Variants in PDE10A observed in about 807,000 individuals in gnomAD.
The protein encoded by PDE10A is cAMP and cAMP-inhibited cGMP 3',5'-cyclic phosphodiesterase 10A.
A neutral mutation model predicts 97.7 loss-of-function variants in PDE10A; 39 were observed. The observed-to-expected ratio is 0.40, with a 90% CI of 0.31 to 0.52. The LOEUF is 0.52. Among genes scored for constraint, PDE10A ranks in the 20% least tolerant of loss-of-function variants. The pLI is 0.56. For synonymous variants in PDE10A, 371 were observed against 376.8 expected, an observed-to-expected ratio of 0.98 and a Z score of 0.18; for missense variants, 731 against 1,047.8, an observed-to-expected ratio of 0.70 and a Z score of 4.17.
chr6:165,527,477 T>G (rs1782515639), intron 2 of PDE10A, among the ~76,000 whole-genome samples: 1 of 152,264 alleles, frequency 6.6e-6, no homozygotes, highest in African/African-American at 2.4e-5. Flanking sequence ...AGCGGAGGCC[T>G]CTAGGATTTT....
chr6:165,700,068 A>G (rs1027263317), intron 1 of PDE10A, among the ~76,000 whole-genome samples: 1 of 152,368 alleles, frequency 6.6e-6, no homozygotes, highest in South Asian at 2.1e-4. Context: ...CAGCATATTT[A>G]TAATAGCTAA....
chr6:165,355,888 T>C (rs1206063354), intron 18 of PDE10A, among the ~76,000 whole-genome samples: 1 of 152,140 alleles, frequency 6.6e-6, no homozygotes, highest in Non-Finnish European at 1.5e-5. Flanking sequence ...TATTAGTCCA[T>C]TTTCACACCG....
intron 1 of PDE10A, among the ~76,000 whole-genome samples, chr6:165,548,376 T>C (rs1783845018): frequency 6.6e-6 from 1 of 151,112 alleles, no homozygotes; most frequent in Non-Finnish European, 1.5e-5. Flanking sequence ...ATTTTTTAAA[T>C]TATATTTAGG....
intron 20 of PDE10A, among the ~76,000 whole-genome samples, chr6:165,336,673 C>T (rs1001768531): frequency 2.7e-5 from 4 of 146,120 alleles, no homozygotes; most frequent in East Asian, 4.1e-4. Flanking sequence ...GGCGTCAACC[C>T]GGGAAGCGGA....
intron 11 of PDE10A, among the ~76,000 whole-genome samples, chr6:165,416,616 T>G (rs371846343): frequency 6.6e-6 from 1 of 152,174 alleles, no homozygotes; most frequent in Non-Finnish European, 1.5e-5. Context: ...ATTTTTTTAG[T>G]GGATTCTCAA....
intron 1 of PDE10A, among the ~76,000 whole-genome samples, chr6:165,957,976 G>T (rs547151640): frequency 6.6e-6 from 1 of 152,246 alleles, no homozygotes; most frequent in Non-Finnish European, 1.5e-5. Flanking sequence ...CCCCAGCAGT[G>T]GGCAGTGGGT....
At chr6:165,964,955 G>C (rs923182472) in intron 1 of PDE10A, among the ~76,000 whole-genome samples, 23 of 152,208 alleles carry the variant, frequency 1.5e-4, no homozygotes, top group African/African-American at 5.3e-4. Context: ...TGCCAGGGGA[G>C]AGAGGCATCA....
At chr6:165,351,302 G>C (rs1383063892) in intron 18 of PDE10A, among the ~76,000 whole-genome samples, 1 of 152,144 alleles carries the variant, frequency 6.6e-6, no homozygotes, top group Non-Finnish European at 1.5e-5. Context: ...CATAGTAAAT[G>C]TGAGGGGTAG....
intron 1 of PDE10A, among the ~76,000 whole-genome samples, chr6:165,924,443 T>G (rs1391285630): frequency 6.6e-6 from 1 of 152,060 alleles, no homozygotes; most frequent in Non-Finnish European, 1.5e-5. Flanking sequence ...GCCTCTGTGG[T>G]ACAATTCATG....
chr6:165,561,824 A>T (rs1280315535), intron 1 of PDE10A, among the ~76,000 whole-genome samples: 1 of 152,240 alleles, frequency 6.6e-6, no homozygotes, highest in African/African-American at 2.4e-5. Context: ...GAAGACATGA[A>T]TACATCAGAT....
At chr6:165,445,391 C>T (rs544029173) in intron 5 of PDE10A, among the ~76,000 whole-genome samples, 1 of 152,294 alleles carries the variant, frequency 6.6e-6, no homozygotes, top group Non-Finnish European at 1.5e-5. Flanking sequence ...GATCCCAAAG[C>T]TGTCTTTCTC....
In PDE10A at chr6:165,328,825, G is replaced by GA. The variant is rs1015612365; in HGVS notation, c.*4199dup. ...TACAGACAACCAAAATATTCCGTTG[G>GA]AAAAAAGACAAAAAAGTGTGCACTG... On this transcript the variant is annotated 3_prime_UTR_variant, in exon 22 of 22. Coordinates refer to ENST00000539869, the MANE Select transcript of PDE10A (RefSeq NM_001385079.1). The GA allele has an allele frequency of 6.6e-6, 1 of 152,058 alleles. No individual in the cohort carries two copies. Among genetic ancestry groups the GA allele is most frequent in the African/African-American group, 2.4e-5 (1 of 41,490 alleles). 9.4% of individuals were successfully genotyped at this position (152,058 alleles called of 1,614,324 possible).
At chr6:165,955,533 C>T (rs530751358) in intron 1 of PDE10A, among the ~76,000 whole-genome samples, 8 of 152,198 alleles carry the variant, frequency 5.3e-5, no homozygotes, top group Admixed American at 3.3e-4. Context: ...TACCATTCTG[C>T]TGTTCCCATT....
chr6:165,429,177 T>C (rs1236828812), intron 9 of PDE10A, among the ~76,000 whole-genome samples: 2 of 152,116 alleles, frequency 1.3e-5, no homozygotes, highest in African/African-American at 4.8e-5. Context: ...ATGTAATTAA[T>C]TTGAGAAGAA....
intron 18 of PDE10A, among the ~76,000 whole-genome samples, chr6:165,354,284 C>A (rs769810719): frequency 3.9e-5 from 6 of 152,106 alleles, no homozygotes; most frequent in Non-Finnish European, 7.4e-5. Flanking sequence ...GAGAAGTATC[C>A]TTTTTGAATA....
At position 165,746,488 on chromosome 6, in the gene PDE10A, C is replaced by T. The variant is rs145792771; in HGVS notation, c.-614-202920G>A. On this transcript the variant is annotated intron_variant, in intron 1 of 19. Transcript: ENST00000366882. ...GGCCAGCCATGAAGCAGCTTTCTCC[C>T]GCAAACAATGCGGCAGGAGGGCTTT... Among the ~76,000 whole-genome samples, 689 of 152,350 alleles carry T rather than the reference C, an allele frequency of 4.5e-3. 4 individuals carry two copies. The highest frequency in any genetic ancestry group is 0.015 in the African/African-American group (621 of 41,592).
intron 5 of PDE10A, among the ~76,000 whole-genome samples, chr6:165,438,464 AG>A (rs1790200781): frequency 6.6e-6 from 1 of 152,248 alleles, no homozygotes; most frequent in African/African-American, 2.4e-5. Context: ...CTGGGATTAC[AG>A]GCGTGAGCCA....
At chr6:165,424,609 A>ATTTT (rs1447744031) in intron 10 of PDE10A, among the ~76,000 whole-genome samples, 1 of 152,200 alleles carries the variant, frequency 6.6e-6, no homozygotes, top group African/African-American at 2.4e-5. Flanking sequence ...TTCTGAGCTC[A>ATTTT]TTTTATAAGT....
chr6:165,629,933 C>T (rs1054347166), intron 1 of PDE10A, among the ~76,000 whole-genome samples: 3 of 151,992 alleles, frequency 2.0e-5, no homozygotes, highest in Non-Finnish European at 2.9e-5. Context: ...GAGTAGCAAT[C>T]GCTCTCAATT....
Sources: gnomAD v4.1 joint callset for allele counts (sites outside exome capture counted in the v4.1 genomes callset) on GRCh38, gnomAD v4.1.1 for gene constraint, MANE v1.5 for transcripts, NCBI Gene and HGNC (gene_info 2026-07-23, HGNC 2026-07-21) for gene names.